The following BAHCC1 variants were observed in gnomAD, a reference collection of about 807,000 sequenced individuals.
BAHCC1 encodes the protein BAH domain and coiled-coil containing 1.
BAHCC1 carries 43 observed loss-of-function variants against 88.2 expected under a neutral mutation model. That is an observed-to-expected ratio of 0.49 (90% CI 0.38 to 0.63). The LOEUF is 0.63. Among genes scored for constraint, BAHCC1 ranks in the 20% least tolerant of loss-of-function variants. The pLI, the probability that BAHCC1 is intolerant of heterozygous loss-of-function variation, is 0.00. For missense variants in BAHCC1, 3,023 were observed against 1,654.8 expected, an observed-to-expected ratio of 1.83 and a Z score of -14.34; for synonymous variants, 1,510 against 745.5, an observed-to-expected ratio of 2.03 and a Z score of -16.71.
rs78111349 is a variant in BAHCC1, at chr17:81,447,928, C to T, written c.3976+80C>T. 5.2e-3 allele frequency: 3,599 copies of T among 694,460 alleles called. 89 individuals are homozygous for T. The African/African-American group carries it at 0.055, about 11-fold the overall frequency. 43.0% of individuals were successfully genotyped at this position (694,460 alleles called of 1,614,324 possible). A position where few individuals can be genotyped will look rare whatever the true frequency, so the allele number is the denominator to read the frequency against. Reference sequence around the variant, plus strand: ...CCTGCCTCAGGGTCACCTGGCCAGACGGCAGCCTTGGGCCCCGCTCAGTTG... The same window carrying T: ...CCTGCCTCAGGGTCACCTGGCCAGATGGCAGCCTTGGGCCCCGCTCAGTTG... On this transcript the variant is annotated intron_variant, in intron 11 of 27. Transcript: ENST00000675386.
At chr17:81,451,072 A>T (rs1031764116) in intron 11 of BAHCC1, 3 of 154,694 alleles carry the variant, frequency 1.9e-5, no homozygotes, top group Non-Finnish European at 4.4e-5. Context: ...GCCAGCCTCC[A>T]CCACCTGGAT....
intron 1 of BAHCC1, among the ~76,000 whole-genome samples, chr17:81,397,686 C>A (rs1423902321): frequency 6.6e-6 from 1 of 152,192 alleles, no homozygotes; most frequent in Non-Finnish European, 1.5e-5. Flanking sequence ...CTCGCCAGAG[C>A]ACTCTCCGGG....
Position 81,442,074 on chromosome 17 carries a change from A to G in BAHCC1, c.725A>G (p.Glu242Gly). ...AAEGKERPAA[E>G]EDGGKERHKL... is the part of the protein sequence containing the mutation. ...GAGGGCAAGGAGCGGCCAGCGGCAG[A>G]GGAGGACGGTGGCAAGGAGCGGCAC... is the stretch of plus-strand genomic sequence containing the variant. The change falls in exon 5 of 28, where the codon GAG becomes GGG. Residue 242 changes from glutamate to glycine, a missense_variant. By Grantham distance (98) the Glu-to-Gly change is moderately conservative (BLOSUM62 -2). Transcript: ENST00000675386. The G allele has an allele frequency of 1.4e-6, 1 of 710,972 alleles. No homozygotes were observed. Among genetic ancestry groups the G allele is most frequent in the South Asian group, 1.5e-5 (1 of 66,794 alleles). The allele number at this position is 710,972 out of a possible 1,614,324, so 44.0% of individuals were successfully genotyped here. A position where few individuals can be genotyped will look rare whatever the true frequency, so the allele number is the denominator to read the frequency against.
At position 81,447,450 on chromosome 17, in the gene BAHCC1, G is replaced by T; in HGVS notation, c.3578G>T (p.Gly1193Val). The change falls in exon 11 of 28, where the codon GGG becomes GTG. Residue 1193 changes from glycine to valine, a missense_variant. Physicochemically the swap from Gly to Val is moderately radical, Grantham distance 109 (BLOSUM62 -3). Coordinates refer to ENST00000675386, the MANE Select transcript of BAHCC1 (RefSeq NM_001377448.1). ...EERSREEGEQ[G>V]PSSGASSQVL... ...AGGAGCAGGGAGGAGGGGGAGCAGG[G>T]GCCCTCGTCAGGGGCCTCCTCCCAA... 1 of 743,700 alleles carries T rather than the reference G, an allele frequency of 1.3e-6. No individual in the cohort carries two copies. Among genetic ancestry groups the T allele is most frequent in the East Asian group, 2.5e-5 (1 of 39,454 alleles). The allele number at this position is 743,700 out of a possible 1,614,324, so 46.1% of individuals were successfully genotyped here.
At chr17:81,420,990 C>T (rs1226358971) in intron 2 of BAHCC1, among the ~76,000 whole-genome samples, 1 of 152,232 alleles carries the variant, frequency 6.6e-6, no homozygotes, top group Admixed American at 6.5e-5. Context: ...TAGACTTGGT[C>T]ATGCTCCATC....
At position 81,462,451 on chromosome 17, in the gene BAHCC1, G is replaced by A. The variant is rs924003620; in HGVS notation, c.7384-289G>A. 1.2e-5 allele frequency: 6 copies of A among 510,070 alleles called. No homozygotes were observed. In the South Asian group the frequency reaches 1.5e-4, roughly 12 times the overall value. The allele number at this position is 510,070 out of a possible 1,614,324, so 31.6% of individuals were successfully genotyped here. A position where few individuals can be genotyped will look rare whatever the true frequency, so the allele number is the denominator to read the frequency against. On this transcript the variant is annotated intron_variant, in intron 26 of 27. Transcript: ENST00000675386. ...GGCCACTCGTGGGTCTTTTGCCTTC[G>A]TAAATAACACTGTGGTGAACGTCTT...
Position 81,400,499 on chromosome 17 carries a change from T to C in BAHCC1, c.178+582T>C, listed in dbSNP as rs1408521259. On this transcript the variant is annotated intron_variant, in intron 2 of 27. Coordinates refer to ENST00000675386, the MANE Select transcript of BAHCC1 (RefSeq NM_001377448.1). ...GGATGCATTTGCCTTAACGAGTGCCTCTGGTATCCCGCTAAAGCCGGACAA... is the reference window on the plus strand; with the variant it reads ...GGATGCATTTGCCTTAACGAGTGCCCCTGGTATCCCGCTAAAGCCGGACAA... 2.6e-5 allele frequency among the ~76,000 whole-genome samples: 4 copies of C among 152,298 alleles called. No homozygotes were observed. The South Asian group carries it at 6.2e-4, about 24-fold the overall frequency.
intron 14 of BAHCC1, among the ~76,000 whole-genome samples, chr17:81,453,232 T>C (rs1432993111): frequency 2.0e-5 from 3 of 152,240 alleles, no homozygotes; most frequent in Admixed American, 1.3e-4. Flanking sequence ...TTGGTCACGC[T>C]GTGGAGCTGC....
chr17:81,407,016 C>T (rs1555647036), intron 2 of BAHCC1: 3 of 455,938 alleles, frequency 6.6e-6, no homozygotes, highest in East Asian at 6.9e-5. Context: ...CTTCCCTTCT[C>T]TCCCCTAGGA....
At chr17:81,413,889 T>TC (rs1237625862) in intron 2 of BAHCC1, among the ~76,000 whole-genome samples, 7 of 152,028 alleles carry the variant, frequency 4.6e-5, no homozygotes, top group African/African-American at 1.7e-4. Flanking sequence ...GCTTTCTCCT[T>TC]CCGTTTCTGC....
Position 81,444,820 on chromosome 17 carries a change from G to A in BAHCC1, c.2665G>A (p.Ala889Thr), listed in dbSNP as rs781826553. Residue 889 changes from alanine (A) to threonine (T), a missense_variant, in exon 8 of 28, where the codon GCA becomes ACA. Ala to Thr is a moderately conservative substitution (Grantham distance 58). Coordinates refer to ENST00000675386, the MANE Select transcript of BAHCC1 (RefSeq NM_001377448.1). ...SEPTPHSAPHALADVMDQASL... is the reference protein window; with the variant it reads ...SEPTPHSAPHTLADVMDQASL... Reference sequence around the variant, plus strand: ...GCCCACACCCCACAGCGCCCCCCACGCACTTGGTAAGGGCCCCTGGTCCAG... The same window carrying A: ...GCCCACACCCCACAGCGCCCCCCACACACTTGGTAAGGGCCCCTGGTCCAG... The A allele has an allele frequency of 3.1e-5, 24 of 775,116 alleles. No individual in the cohort carries two copies. The highest frequency in any genetic ancestry group is 6.9e-5 in the Admixed American group (4 of 58,296). The allele number at this position is 775,116 out of a possible 1,614,324, so 48.0% of individuals were successfully genotyped here. A position where few individuals can be genotyped will look rare whatever the true frequency, so the allele number is the denominator to read the frequency against.
chr17:81,395,909 C>T (rs2063741961), intron 1 of BAHCC1: 1 of 151,698 alleles, frequency 6.6e-6, no homozygotes, highest in African/African-American at 2.4e-5. Context: ...CCTTGCTTTG[C>T]TCTGAGCGCT....
In BAHCC1 at chr17:81,399,942, C is replaced by G; in HGVS notation, c.178+25C>G. On this transcript the variant is annotated intron_variant, in intron 2 of 27. Transcript: ENST00000675386. This position sits in a 1 kb window ranked among gnomAD's most constrained non-coding sequence, Gnocchi z 4.5. ...GGTCAGTGCTCGGCCGGGGCGGGCG[C>G]GGGACGGGAGCGTTCGAGAGCGGAA... The G allele has an allele frequency of 1.5e-6, 2 of 1,335,684 alleles. No individual in the cohort carries two copies. The highest frequency in any genetic ancestry group is 1.9e-5 in the South Asian group (1 of 52,626). 82.7% of individuals were successfully genotyped at this position (1,335,684 alleles called of 1,614,324 possible).
chr17:81,453,009 G>A (rs1313876108), intron 14 of BAHCC1, among the ~76,000 whole-genome samples, 158 bp downstream of exon 14: 1 of 152,152 alleles, frequency 6.6e-6, no homozygotes, highest in African/African-American at 2.4e-5. Flanking sequence ...ACCATCGAGA[G>A]TGACCAGCAG....
At chr17:81,444,899 G>A (rs1568021303) in intron 8 of BAHCC1, 73 bp downstream of exon 8, 3 of 712,954 alleles carry the variant, frequency 4.2e-6, no homozygotes, top group Non-Finnish European at 7.7e-6. Context: ...GGGTGTGCTG[G>A]CCAGGGCTCA....
At position 81,441,889 on chromosome 17, in the gene BAHCC1, C is replaced by T. The variant is rs1555652576; in HGVS notation, c.540C>T (p.Asn180=). The T allele has an allele frequency of 1.5e-6, 1 of 677,512 alleles. No individual in the cohort carries two copies. The highest frequency in any genetic ancestry group is 2.7e-6 in the Non-Finnish European group (1 of 365,314). The allele number at this position is 677,512 out of a possible 1,614,324, so 42.0% of individuals were successfully genotyped here. A position where few individuals can be genotyped will look rare whatever the true frequency, so the allele number is the denominator to read the frequency against. Residue 180 remains asparagine, a synonymous_variant, in exon 5 of 28, where the codon AAC becomes AAT. Coordinates refer to ENST00000675386, the MANE Select transcript of BAHCC1 (RefSeq NM_001377448.1). ...CCACGCTGCTGCCGGCCAACCACAA[C>T]TTCCCCAGCGTGGCCCGGGCCGCCC... is the stretch of plus-strand genomic sequence containing the variant. The part of the protein sequence containing the change: ...PQPTLLPANH[N]FPSVARAAPA...
chr17:81,420,369 C>G (rs1446458710), intron 2 of BAHCC1, among the ~76,000 whole-genome samples: 3 of 152,194 alleles, frequency 2.0e-5, no homozygotes, highest in African/African-American at 7.2e-5. Flanking sequence ...GCCAGGCTCA[C>G]TGGGCACCGA....
chr17:81,464,169 A>G lies in BAHCC1; in HGVS notation c.*352A>G, dbSNP rs1216568137. The G allele has an allele frequency of 2.7e-6, 1 of 374,918 alleles. No homozygotes were observed. The highest frequency in any genetic ancestry group is 5.0e-6 in the Non-Finnish European group (1 of 201,666). 23.2% of individuals were successfully genotyped at this position (374,918 alleles called of 1,614,324 possible). A position where few individuals can be genotyped will look rare whatever the true frequency, so the allele number is the denominator to read the frequency against. On this transcript the variant is annotated 3_prime_UTR_variant, in exon 28 of 28. Transcript: ENST00000675386. The stretch of plus-strand genomic sequence containing the variant: ...CCTCCGACTGTCTCCCACCAGGGAA[A>G]GCAGAAATCAGGTGTGTTGTCTATT...
chr17:81,454,228 G>T (rs8077636), intron 14 of BAHCC1, among the ~76,000 whole-genome samples: 61,008 of 152,100 alleles, frequency 0.4, 12,394 homozygotes, highest in Middle Eastern at 0.47. Context: ...CCACACAAGA[G>T]GGGGAGCCCA....
Sources: allele counts gnomAD v4.1 joint callset (sites outside exome capture counted in the v4.1 genomes callset), GRCh38; gene constraint gnomAD v4.1.1; non-coding constraint Gnocchi (gnomAD v3.1); transcripts MANE v1.5; gene names NCBI Gene and HGNC (gene_info 2026-07-23, HGNC 2026-07-21).